The following ANGEL1 variants were observed in gnomAD, a reference collection of about 807,000 sequenced individuals.
The protein encoded by ANGEL1 is angel homolog 1.
ANGEL1 carries 62 observed loss-of-function variants against 76.4 expected under a neutral mutation model. The observed-to-expected ratio is 0.81, with a 90% CI of 0.66 to 1.00. The LOEUF is 1.00. ANGEL1 is among the 50% of genes least tolerant of loss of function. The pLI, the probability that ANGEL1 is intolerant of heterozygous loss-of-function variation, is 0.00. For missense variants in ANGEL1, 737 were observed against 836.7 expected, an observed-to-expected ratio of 0.88 and a Z score of 1.47; for synonymous variants, 340 against 331.7, an observed-to-expected ratio of 1.03 and a Z score of -0.27.
intron 9 of ANGEL1, among the ~76,000 whole-genome samples, chr14:76,789,755 C>T (rs944475829): frequency 6.0e-5 from 9 of 149,604 alleles, no homozygotes; most frequent in Non-Finnish European, 8.9e-5. Context: ...AGTGCAGTGG[C>T]GCAATCTCAG....
chr14:76,797,609 A>AG (rs1363030052), intron 7 of ANGEL1, among the ~76,000 whole-genome samples: 1 of 152,222 alleles, frequency 6.6e-6, no homozygotes, highest in Non-Finnish European at 1.5e-5. Context: ...CGAAAAAAAA[A>AG]GAAAACTGAC....
At chr14:76,793,173 G>C (rs192500623) in intron 7 of ANGEL1, among the ~76,000 whole-genome samples, 1 of 150,970 alleles carries the variant, frequency 6.6e-6, no homozygotes, top group African/African-American at 2.4e-5. Context: ...TTAATAAAAA[G>C]TGTAGGCACA....
rs776448360 is a variant in ANGEL1, at chr14:76,811,518, TGGGGG to T, written c.64+1241_64+1245del. The stretch of plus-strand genomic sequence containing the variant: ...AAGTGGGACTACTGTAATGTGTAGG[TGGGGG>T]GGCGGGGGGGGCCCTCCTCTGAGAT... On this transcript the variant is annotated intron_variant, in intron 1 of 9. Transcript: ENST00000251089. Among the ~76,000 whole-genome samples the T allele has an allele frequency of 1.8e-3, 12 of 6,646 alleles. 1 individual carries two copies. The South Asian group carries it at 0.025, about 14-fold the overall frequency. The allele number at this position is 6,646 out of a possible 152,430, so 4.4% of individuals were successfully genotyped here. A position where few individuals can be genotyped will look rare whatever the true frequency, so the allele number is the denominator to read the frequency against.
At chr14:76,812,551 G>A (rs1895119647) in intron 1 of ANGEL1, 2 of 1,245,356 alleles carry the variant, frequency 1.6e-6, no homozygotes, top group Non-Finnish European at 2.0e-6. Context: ...CGGGAGGAGG[G>A]GCCGCCCACG....
chr14:76,801,301 G>A (rs1293886250), intron 7 of ANGEL1, among the ~76,000 whole-genome samples: 2 of 151,658 alleles, frequency 1.3e-5, no homozygotes, highest in Admixed American at 6.6e-5. Flanking sequence ...TTGTAGAGAC[G>A]GTGTCTCACT....
Position 76,786,010 on chromosome 14 carries a change from A to ATTCTACTTGT in ANGEL1, c.*3217_*3218insACAAGTAGAA, listed in dbSNP as rs1419431906. 2 of 152,246 alleles carry ATTCTACTTGT rather than the reference A, an allele frequency of 1.3e-5. No homozygotes were observed. The highest frequency in any genetic ancestry group is 2.9e-5 in the Non-Finnish European group (2 of 68,050). The allele number at this position is 152,246 out of a possible 1,614,324, so 9.4% of individuals were successfully genotyped here. On this transcript the variant is annotated 3_prime_UTR_variant, in exon 10 of 10. Transcript: ENST00000251089. The stretch of plus-strand genomic sequence containing the variant: ...TCAGATCTGAAAATTCTTCACAAGT[A>ATTCTACTTGT]GAAGTGATTATTAACTTTAATTTCT...
In ANGEL1 at chr14:76,804,109, C is replaced by A. The variant is rs543203800; in HGVS notation, c.1381-197G>T. 11 of 1,452,074 alleles carry A rather than the reference C, an allele frequency of 7.6e-6. No homozygotes were observed. The East Asian group carries it at 2.0e-4, about 26-fold the overall frequency. 89.9% of individuals were successfully genotyped at this position (1,452,074 alleles called of 1,614,324 possible). ...AACCATTACTTTTTCACTGGCAACA[C>A]TGAAATGTCCATGAAACAGGAGGAG... On this transcript the variant is annotated intron_variant, in intron 5 of 9. Coordinates refer to ENST00000251089, the MANE Select transcript of ANGEL1 (RefSeq NM_015305.4).
At chr14:76,792,653 TA>T (rs1462630892) in intron 7 of ANGEL1, among the ~76,000 whole-genome samples, 1 of 152,112 alleles carries the variant, frequency 6.6e-6, no homozygotes, top group Non-Finnish European at 1.5e-5. Context: ...CATGATTATC[TA>T]AACAGACAGA....
chr14:76,812,206 A>C (rs1249350581), intron 1 of ANGEL1: 8 of 980,076 alleles, frequency 8.2e-6, no homozygotes, highest in Middle Eastern at 1.1e-3. Flanking sequence ...TCCAAAGCTG[A>C]GATCTAAATG....
chr14:76,802,179 AT>A (rs1279456656), intron 7 of ANGEL1, among the ~76,000 whole-genome samples: 4 of 152,278 alleles, frequency 2.6e-5, no homozygotes, highest in African/African-American at 9.6e-5. Flanking sequence ...TCAAAAAAAA[AT>A]AAAATAAAAT....
rs142321780 is a variant in ANGEL1, at chr14:76,790,489, T to C, written c.1852+122A>G. 4.0e-4 allele frequency: 596 copies of C among 1,474,118 alleles called. 4 individuals are homozygous for C. The East Asian group carries it at 0.014, about 34-fold the overall frequency. 91.3% of individuals were successfully genotyped at this position (1,474,118 alleles called of 1,614,324 possible). Reference sequence around the variant, plus strand: ...AAGGATGACCAGTGCAAGGGAGGTATGAAATCTGCTCCTTTGCTGGTTAAA... The same window carrying C: ...AAGGATGACCAGTGCAAGGGAGGTACGAAATCTGCTCCTTTGCTGGTTAAA... On this transcript the variant is annotated intron_variant, in intron 9 of 9. Coordinates refer to ENST00000251089, the MANE Select transcript of ANGEL1 (RefSeq NM_015305.4).
chr14:76,804,296 G>T (rs1894852024), intron 5 of ANGEL1: 1 of 1,223,828 alleles, frequency 8.2e-7, no homozygotes, highest in Non-Finnish European at 1.0e-6. Flanking sequence ...GGATCTTCTG[G>T]ATCAAGGTCT....
chr14:76,792,945 A>G (rs1045260567), intron 7 of ANGEL1, among the ~76,000 whole-genome samples: 4 of 152,200 alleles, frequency 2.6e-5, no homozygotes, highest in Admixed American at 6.5e-5. Context: ...GAGTAGAAGG[A>G]ATACTATTTC....
chr14:76,796,288 A>T, intron 7 of ANGEL1, among the ~76,000 whole-genome samples: 2 of 134,580 alleles, frequency 1.5e-5, no homozygotes, highest in African/African-American at 5.6e-5. Flanking sequence ...ATAGGGTCTC[A>T]CTCTGTCACT....
intron 1 of ANGEL1, chr14:76,812,259 G>A (rs1895110163): frequency 1.0e-6 from 1 of 988,378 alleles, no homozygotes; most frequent in Non-Finnish European, 1.2e-6. Flanking sequence ...AGACACCGGT[G>A]AGCGAGAGCT....
At chr14:76,802,854 T>C (rs1260896386) in intron 7 of ANGEL1, among the ~76,000 whole-genome samples, 1 of 152,258 alleles carries the variant, frequency 6.6e-6, no homozygotes, top group Non-Finnish European at 1.5e-5. Context: ...TGGTGTCAGA[T>C]ATCTTCAAAT....
Position 76,799,256 on chromosome 14 carries a change from G to A in ANGEL1, c.1618+4115C>T, listed in dbSNP as rs181947857. Among the ~76,000 whole-genome samples, 12 of 121,894 alleles carry A rather than the reference G, an allele frequency of 9.8e-5. No individual in the cohort carries two copies. In the South Asian group the frequency reaches 1.9e-3, roughly 20 times the overall value. 80.0% of individuals were successfully genotyped at this position (121,894 alleles called of 152,430 possible). A position where few individuals can be genotyped will look rare whatever the true frequency, so the allele number is the denominator to read the frequency against. The stretch of plus-strand genomic sequence containing the variant: ...AAATGAACTCACACACTAAGATCTC[G>A]TTGTACTCCATTCATGGCCTCCTTT... On this transcript the variant is annotated intron_variant, in intron 7 of 9. Coordinates refer to ENST00000251089, the MANE Select transcript of ANGEL1 (RefSeq NM_015305.4).
In ANGEL1 at chr14:76,788,872, A is replaced by C; in HGVS notation, c.*356T>G. The stretch of plus-strand genomic sequence containing the variant: ...AGGTCAGGTCAGAAGGTACATCAAG[A>C]AACGGCCTGAAAGCAAATAACCAAT... On this transcript the variant is annotated 3_prime_UTR_variant, in exon 10 of 10. Transcript: ENST00000251089. 1 of 222,358 alleles carries C rather than the reference A, an allele frequency of 4.5e-6. No individual in the cohort carries two copies. The highest frequency in any genetic ancestry group is 8.9e-6 in the Non-Finnish European group (1 of 112,234). 13.8% of individuals were successfully genotyped at this position (222,358 alleles called of 1,614,324 possible).
chr14:76,804,630 A>G lies in ANGEL1; in HGVS notation c.1381-718T>C, dbSNP rs112750294. Among the ~76,000 whole-genome samples the G allele has an allele frequency of 5.3e-3, 815 of 152,338 alleles. 6 individuals carry two copies. The highest frequency in any genetic ancestry group is 0.019 in the African/African-American group (789 of 41,588). ...ATTTTCAATATGTCATCAGAAGTAA[A>G]ACAGATCTGCAATTCAATGGCCACT... On this transcript the variant is annotated intron_variant, in intron 5 of 9. Transcript: ENST00000251089.
Sources: gnomAD v4.1 joint callset for allele counts (sites outside exome capture counted in the v4.1 genomes callset) on GRCh38, gnomAD v4.1.1 for gene constraint, MANE v1.5 for transcripts, NCBI Gene and HGNC (gene_info 2026-07-23, HGNC 2026-07-21) for gene names.